Variants in CSGALNACT2 observed in about 807,000 individuals in gnomAD.
The protein encoded by CSGALNACT2 is beta 4 GalNAcT-2.
CSGALNACT2 carries 35 observed loss-of-function variants against 55.3 expected under a neutral mutation model. That is an observed-to-expected ratio of 0.63 (90% CI 0.48 to 0.84). The LOEUF (loss-of-function observed/expected upper bound fraction) is 0.84, where lower values mean the gene tolerates loss of function less well. CSGALNACT2 is among the 40% of genes least tolerant of loss of function. The pLI is 0.00. For synonymous variants in CSGALNACT2, 196 were observed against 224.9 expected (o/e 0.87, Z 1.15); for missense variants, 544 against 657.5 (o/e 0.83, Z 1.89).
intron 1 of CSGALNACT2, among the ~76,000 whole-genome samples, chr10:43,141,932 C>T (rs1564507479): frequency 6.6e-6 from 1 of 152,162 alleles, no homozygotes; most frequent in Non-Finnish European, 1.5e-5. Flanking sequence ...TATGCCTTTT[C>T]TGAGAGCTTA....
chr10:43,146,294 G>T (rs773532503), intron 1 of CSGALNACT2, among the ~76,000 whole-genome samples: 3 of 152,176 alleles, frequency 2.0e-5, no homozygotes, highest in Non-Finnish European at 4.4e-5. Flanking sequence ...GAGTCCAAAA[G>T]CTAAAGAACT....
chr10:43,162,127 AC>A, intron 4 of CSGALNACT2: 1 of 518,114 alleles, frequency 1.9e-6, no homozygotes, highest in Admixed American at 1.9e-5. Context: ...GGAACCAGAG[AC>A]TTGAATACCA....
intron 6 of CSGALNACT2, 139 bp from the exon 7 acceptor site, chr10:43,175,810 CAT>C (rs1839469053): frequency 1.4e-6 from 1 of 718,126 alleles, no homozygotes; most frequent in Non-Finnish European, 2.4e-6. Flanking sequence ...GATTTAATAA[CAT>C]AAGTGCATGT....
At chr10:43,162,023 T>A (rs1564515644) in intron 4 of CSGALNACT2, among the ~76,000 whole-genome samples, 1 of 152,174 alleles carries the variant, frequency 6.6e-6, no homozygotes, top group Non-Finnish European at 1.5e-5. Flanking sequence ...ATAGGAGCAG[T>A]ATTGAAGAAT....
Position 43,155,598 on chromosome 10 carries a change from G to A in CSGALNACT2, c.449G>A (p.Ser150Asn). 1 of 1,614,152 alleles carries A rather than the reference G, an allele frequency of 6.2e-7. No homozygotes were observed. Among genetic ancestry groups the A allele is most frequent in the Non-Finnish European group, 8.5e-7 (1 of 1,180,038 alleles). ...PSEYGVIPFE[S>N]FTLMKVFQLE... ...GAGTATGGGGTCATTCCCTTTGAAA[G>A]TTTTACCTTAATGAAAGTATTTCAA... Residue 150 changes from serine to asparagine, a missense_variant, in exon 2 of 8, where the codon AGT becomes AAT. Around this residue, in one of 2 missense-constraint regions of CSGALNACT2, gnomAD observed 374 missense variants for 401.3 expected, o/e 0.93. Transcript: ENST00000374466.
At chr10:43,168,771 A>G (rs1839323428) in intron 6 of CSGALNACT2, among the ~76,000 whole-genome samples, 1 of 152,146 alleles carries the variant, frequency 6.6e-6, no homozygotes, top group African/African-American at 2.4e-5. Flanking sequence ...CAAAATGGCA[A>G]ACTGAGCACC....
At chr10:43,163,650 T>C (rs1839198711) in intron 4 of CSGALNACT2, 6 of 985,282 alleles carry the variant, frequency 6.1e-6, no homozygotes, top group Non-Finnish European at 7.2e-6. Context: ...TGGAGCCTCA[T>C]ACCACCAACA....
At chr10:43,153,910 A>T (rs1358171305) in intron 1 of CSGALNACT2, among the ~76,000 whole-genome samples, 2 of 152,204 alleles carry the variant, frequency 1.3e-5, no homozygotes, top group African/African-American at 4.8e-5. Flanking sequence ...TAGACTCCAA[A>T]CCTTTCTAGA....
At chr10:43,163,678 A>G (rs998564796) in intron 4 of CSGALNACT2, 188 bp from the exon 5 acceptor site, 17 of 985,342 alleles carry the variant, frequency 1.7e-5, no homozygotes, top group Non-Finnish European at 1.2e-6. Context: ...CAAATTGGGC[A>G]TTTGGTGAAT....
chr10:43,163,898 C>G lies in CSGALNACT2; in HGVS notation c.1013C>G (p.Ser338Ter). Residue 338 changes from serine to a stop codon, truncating the protein, a stop_gained, in exon 5 of 8, where the codon TCA (serine) becomes TGA (stop). Coordinates refer to ENST00000374466, the MANE Select transcript of CSGALNACT2 (RefSeq NM_018590.5). LOFTEE classifies it high-confidence loss of function. Reference sequence around the variant, plus strand: ...AATTTTCACAATTACACCTTGGTCTCATTGAATGAAGAATTTAATCGTGGA... The same window carrying G: ...AATTTTCACAATTACACCTTGGTCTGATTGAATGAAGAATTTAATCGTGGA... ...ESNFHNYTLVSLNEEFNRGRG... is the reference protein window; with the variant it reads ...ESNFHNYTLV The G allele has an allele frequency of 6.2e-7, 1 of 1,614,062 alleles. No homozygotes were observed. Among genetic ancestry groups the G allele is most frequent in the Non-Finnish European group, 8.5e-7 (1 of 1,179,946 alleles).
chr10:43,152,176 A>C (rs1016471062), intron 1 of CSGALNACT2, among the ~76,000 whole-genome samples: 7 of 152,170 alleles, frequency 4.6e-5, no homozygotes, highest in Non-Finnish European at 8.8e-5. Context: ...TTGTGCTTAG[A>C]AGGCTTGTTG....
intron 1 of CSGALNACT2, among the ~76,000 whole-genome samples, chr10:43,145,016 G>A (rs1838713206): frequency 6.6e-6 from 1 of 152,140 alleles, no homozygotes. Flanking sequence ...GTTCCATTGT[G>A]TATCTGTTTT....
At chr10:43,162,431 G>T in intron 4 of CSGALNACT2, 1 of 985,394 alleles carries the variant, frequency 1.0e-6, no homozygotes, top group Non-Finnish European at 1.2e-6. Flanking sequence ...CTGTGGTTGG[G>T]GTGGGCAGAG....
In CSGALNACT2 at chr10:43,159,263, A is replaced by G. The variant is rs116631127; in HGVS notation, c.878+332A>G. Among the ~76,000 whole-genome samples the G allele has an allele frequency of 9.0e-3, 1,368 of 152,160 alleles. 21 individuals are homozygous for G. The highest frequency in any genetic ancestry group is 0.032 in the African/African-American group (1,324 of 41,518). On this transcript the variant is annotated intron_variant, in intron 3 of 7. Transcript: ENST00000374466. ...ATAATTTACATGCAGTAAAATCCAC[A>G]TATTTTAAGGATATAGGTATCATGA... is the stretch of plus-strand genomic sequence containing the variant.
At chr10:43,148,213 G>T (rs1049670857) in intron 1 of CSGALNACT2, among the ~76,000 whole-genome samples, 1 of 152,110 alleles carries the variant, frequency 6.6e-6, no homozygotes, top group African/African-American at 2.4e-5. Context: ...TAAATGTGAT[G>T]ATTTATTTTT....
At chr10:43,157,403 G>A (rs1839038017) in intron 2 of CSGALNACT2, among the ~76,000 whole-genome samples, 1 of 152,172 alleles carries the variant, frequency 6.6e-6, no homozygotes, top group Non-Finnish European at 1.5e-5. Flanking sequence ...TCTGCCCACT[G>A]CAGGGAGAAT....
intron 1 of CSGALNACT2, among the ~76,000 whole-genome samples, chr10:43,138,823 A>T (rs1838554989): frequency 6.6e-6 from 1 of 152,076 alleles, no homozygotes; most frequent in Non-Finnish European, 1.5e-5. Flanking sequence ...TTACCTATTC[A>T]TCACCATCTC....
chr10:43,162,638 T>C, intron 4 of CSGALNACT2: 1 of 985,420 alleles, frequency 1.0e-6, no homozygotes, highest in Non-Finnish European at 1.2e-6. Flanking sequence ...CATTCTGTAC[T>C]GTTGTAAGTG....
intron 1 of CSGALNACT2, among the ~76,000 whole-genome samples, chr10:43,154,317 AG>A (rs2133109365): frequency 6.6e-6 from 1 of 152,408 alleles, no homozygotes; most frequent in South Asian, 2.1e-4. Flanking sequence ...AGAGAACAGT[AG>A]AATATATGTA....
Sources: allele counts gnomAD v4.1 joint callset (sites outside exome capture counted in the v4.1 genomes callset), GRCh38; gene constraint gnomAD v4.1.1; regional missense constraint gnomAD v4.1.1; transcripts MANE v1.5; gene names NCBI Gene and HGNC (gene_info 2026-07-23, HGNC 2026-07-21).